Variants in SLC66A2 observed in about 807,000 individuals in gnomAD.
SLC66A2 encodes the protein solute carrier family 66 member 2.
SLC66A2 carries 23 observed loss-of-function variants against 25.5 expected under a neutral mutation model. The ratio of observed to expected loss-of-function variants is 0.90; its 90% confidence interval spans 0.65 to 1.28. The LOEUF (loss-of-function observed/expected upper bound fraction) is 1.28. Ranked by LOEUF, SLC66A2 falls within the 50% of genes most tolerant of loss-of-function variation. SLC66A2 has a pLI of 0.00. For missense variants in SLC66A2, 396 were observed against 373.1 expected (o/e 1.06, Z -0.51); for synonymous variants, 193 against 166.5 (o/e 1.16, Z -1.23).
In SLC66A2 at chr18:79,908,318, ATT is replaced by A. The variant is rs34140305; in HGVS notation, c.609-4137_609-4136del. ...TTATTTTGCCTTGATTCCTAAAGGA[ATT>A]TTTTTTTTTTTCCTGAATATAGAAT... On this transcript the variant is annotated intron_variant, in intron 5 of 5. Transcript: ENST00000397778. 2.1e-3 allele frequency among the ~76,000 whole-genome samples: 313 copies of A among 147,340 alleles called. 3 individuals are homozygous for A. In the Middle Eastern group the frequency reaches 0.038, roughly 18 times the overall value.
intron 5 of SLC66A2, among the ~76,000 whole-genome samples, chr18:79,908,863 C>T (rs1398478111): frequency 6.6e-6 from 1 of 152,196 alleles, no homozygotes; most frequent in Non-Finnish European, 1.5e-5. Context: ...ACTTCTATTT[C>T]TCTATGGAGA....
In SLC66A2 at chr18:79,929,737, G is replaced by A. The variant is rs945342481; in HGVS notation, c.391+4232C>T. On this transcript the variant is annotated intron_variant, in intron 4 of 5. Coordinates refer to ENST00000397778, the MANE Select transcript of SLC66A2 (RefSeq NM_025078.5). ...GATGACAACAACTGATCACATAGAG[G>A]TTATCAATAAAGAGACAGAAATTCT... 2.6e-5 allele frequency among the ~76,000 whole-genome samples: 4 copies of A among 152,088 alleles called. No individual in the cohort carries two copies. The South Asian group carries it at 6.2e-4, about 24-fold the overall frequency.
chr18:79,911,767 A>AGGGACAGGAGCAGGGAG (rs1983168681), intron 5 of SLC66A2, among the ~76,000 whole-genome samples: 1 of 141,496 alleles, frequency 7.1e-6, no homozygotes, highest in Non-Finnish European at 1.5e-5. Flanking sequence ...GCAGCAGGGA[A>AGGGACAGGAGCAGGGAG]GGGACAGGAG....
At position 79,903,484 on chromosome 18, in the gene SLC66A2, G is replaced by A. The variant is rs542162595; in HGVS notation, c.*492C>T. 237 of 158,934 alleles carry A rather than the reference G, an allele frequency of 1.5e-3. No individual in the cohort carries two copies. The highest frequency in any genetic ancestry group is 2.8e-3 in the Non-Finnish European group (202 of 72,992). The allele number at this position is 158,934 out of a possible 1,614,324, so 9.8% of individuals were successfully genotyped here. ...GCAGAGAAAGCCCCAGCCCTCCCCCGTGCCAGACCCCTGGGTAGCAGAGGC... is the reference window on the plus strand; with the variant it reads ...GCAGAGAAAGCCCCAGCCCTCCCCCATGCCAGACCCCTGGGTAGCAGAGGC... On this transcript the variant is annotated 3_prime_UTR_variant, in exon 6 of 6. Transcript: ENST00000397778.
intron 2 of SLC66A2, 96 bp downstream of exon 2, chr18:79,950,628 G>GT (rs1303871565): frequency 4.2e-6 from 5 of 1,190,746 alleles, no homozygotes; most frequent in Non-Finnish European, 6.1e-6. Flanking sequence ...CAGCAGGGAG[G>GT]TGTGGACCCT....
chr18:79,932,086 G>A (rs137946116), intron 4 of SLC66A2, among the ~76,000 whole-genome samples: 3 of 152,124 alleles, frequency 2.0e-5, no homozygotes, highest in Non-Finnish European at 4.4e-5. Context: ...ATTTGAAATC[G>A]ATAACAGAAG....
chr18:79,943,566 C>T (rs12969321), intron 2 of SLC66A2, 104 bp from the exon 3 acceptor site: 30,666 of 1,352,782 alleles, frequency 0.023, 435 homozygotes, highest in African/African-American at 0.032. Context: ...GGCCCACCCA[C>T]GCCGCCCCTC....
chr18:79,938,545 T>C (rs1452753487), intron 3 of SLC66A2, among the ~76,000 whole-genome samples: 2 of 152,236 alleles, frequency 1.3e-5, no homozygotes, highest in Admixed American at 1.3e-4. Context: ...TAAAGTCTGA[T>C]CATAATTTTG....
chr18:79,924,602 C>A (rs1458645013), intron 4 of SLC66A2, among the ~76,000 whole-genome samples: 2 of 152,136 alleles, frequency 1.3e-5, no homozygotes, highest in Non-Finnish European at 2.9e-5. Context: ...TAAATTATAT[C>A]TCTAATTTGA....
Position 79,904,186 on chromosome 18 carries a change from G to GTGGAGAC in SLC66A2, c.609-10_609-4dup. ...TCCACATGAGCACCATCTTGATGCT[G>GTGGAGAC]TGGAGACACAAGCAGGCGGTCAGCG... On this transcript the variant is annotated splice_region_variant and splice_polypyrimidine_tract_variant and intron_variant, in intron 5 of 5. Transcript: ENST00000397778. The surrounding 1 kb of genome is among the most constrained non-coding windows in gnomAD (Gnocchi z 6.3). 6.2e-7 allele frequency: 1 copy of GTGGAGAC among 1,612,242 alleles called. No homozygotes were observed. The highest frequency in any genetic ancestry group is 1.1e-5 in the South Asian group (1 of 91,064).
chr18:79,923,271 A>ATGGACAGGCGGGTGG (rs1477831990), intron 4 of SLC66A2, among the ~76,000 whole-genome samples: 3 of 115,368 alleles, frequency 2.6e-5, no homozygotes, highest in Admixed American at 8.6e-5. Context: ...ACGGGGGGCC[A>ATGGACAGGCGGGTGG]TGGACAGGCG....
chr18:79,928,523 T>C lies in SLC66A2; in HGVS notation c.391+5446A>G, dbSNP rs531524176. ...CAACATCACTGCCAGTGGTGAACAT[T>C]ACAAACAGCACCCACTTAAAGTCCC... On this transcript the variant is annotated intron_variant, in intron 4 of 5. Transcript: ENST00000397778. 6.6e-5 allele frequency among the ~76,000 whole-genome samples: 10 copies of C among 152,144 alleles called. No homozygotes were observed. In the East Asian group the frequency reaches 1.7e-3, roughly 26 times the overall value.
At chr18:79,926,712 T>G (rs773328661) in intron 4 of SLC66A2, among the ~76,000 whole-genome samples, 1 of 151,976 alleles carries the variant, frequency 6.6e-6, no homozygotes, top group Non-Finnish European at 1.5e-5. Context: ...AACATTACAT[T>G]CAGAATTATA....
chr18:79,919,353 CG>C lies in SLC66A2; in HGVS notation c.438del (p.Tyr146Ter), dbSNP rs780887814. 1 of 1,613,240 alleles carries C rather than the reference CG, an allele frequency of 6.2e-7. No homozygotes were observed. The highest frequency in any genetic ancestry group is 8.5e-7 in the Non-Finnish European group (1 of 1,180,020). ...HFWQWSSFSD[Y>X]VQCVLAFTGV... ...CCCGTGAAGGCCAGGACGCACTGCA[CG>C]TAGTCCGAGAAGCTGCTCCACTGCC... On this transcript the variant is annotated frameshift_variant, in exon 5 of 6. Coordinates refer to ENST00000397778, the MANE Select transcript of SLC66A2 (RefSeq NM_025078.5). LOFTEE classifies it high-confidence loss of function.
intron 2 of SLC66A2, chr18:79,949,662 C>CAA: frequency 6.7e-6 from 1 of 148,814 alleles, no homozygotes; most frequent in Non-Finnish European, 1.5e-5. Flanking sequence ...GACTCTGTCT[C>CAA]AAAAAAAAAC....
At chr18:79,916,992 C>G (rs570208828) in intron 5 of SLC66A2, among the ~76,000 whole-genome samples, 2 of 152,378 alleles carry the variant, frequency 1.3e-5, no homozygotes. Context: ...GACCGACTGC[C>G]TGCTCGGTGC....
chr18:79,946,143 T>C (rs1301400051), intron 2 of SLC66A2, among the ~76,000 whole-genome samples: 3 of 152,038 alleles, frequency 2.0e-5, no homozygotes, highest in East Asian at 1.9e-4. Flanking sequence ...AAAAATCAAA[T>C]CTAGAGAAAC....
chr18:79,913,302 C>A (rs772490121), intron 5 of SLC66A2, among the ~76,000 whole-genome samples: 3 of 151,924 alleles, frequency 2.0e-5, no homozygotes, highest in Non-Finnish European at 4.4e-5. Context: ...TCTGTCAACA[C>A]CAACGCACCC....
chr18:79,928,986 T>G (rs1415780608), intron 4 of SLC66A2, among the ~76,000 whole-genome samples: 1 of 152,180 alleles, frequency 6.6e-6, no homozygotes, highest in Non-Finnish European at 1.5e-5. Flanking sequence ...GGTTCTGTCC[T>G]GGGGATGGCG....
Sources: allele counts gnomAD v4.1 joint callset (sites outside exome capture counted in the v4.1 genomes callset), GRCh38; gene constraint gnomAD v4.1.1; non-coding constraint Gnocchi (gnomAD v3.1); transcripts MANE v1.5; gene names NCBI Gene and HGNC (gene_info 2026-07-23, HGNC 2026-07-21).